FSTL4: variants seen among roughly 807,000 people sequenced by gnomAD.
The protein encoded by FSTL4 is follistatin like 4.
Under a neutral mutation model 78.2 loss-of-function variants are expected in FSTL4, and 28 were observed. That is an observed-to-expected ratio of 0.36 (90% CI 0.27 to 0.49). The LOEUF (loss-of-function observed/expected upper bound fraction) is 0.49. Among genes scored for constraint, FSTL4 ranks in the 20% least tolerant of loss-of-function variants. The pLI, the probability that FSTL4 is intolerant of heterozygous loss-of-function variation, is 0.98. For synonymous variants in FSTL4, 422 were observed against 440.5 expected (o/e 0.96, Z 0.53); for missense variants, 922 against 1,084.9 (o/e 0.85, Z 2.11).
chr5:133,728,502 G>A, the FSTL4 span, among the ~76,000 whole-genome samples: 3 of 152,174 alleles, frequency 2.0e-5, no homozygotes, highest in Admixed American at 2.0e-4. Context: ...ACTGGAAGCT[G>A]GACTTCATGC....
chr5:133,751,816 C>T, the FSTL4 span, among the ~76,000 whole-genome samples: 1 of 152,312 alleles, frequency 6.6e-6, no homozygotes, highest in Non-Finnish European at 1.5e-5. Context: ...AGCTGTCTGC[C>T]AGAGGGGCAC....
the FSTL4 span, among the ~76,000 whole-genome samples, chr5:133,661,381 A>G: frequency 6.6e-6 from 1 of 152,238 alleles, no homozygotes; most frequent in Non-Finnish European, 1.5e-5. Context: ...GTAAAGATAT[A>G]GTAAGAGCTT....
the FSTL4 span, among the ~76,000 whole-genome samples, chr5:133,628,365 TC>T: frequency 9.2e-3 from 1,278 of 138,678 alleles, 20 homozygotes; most frequent in African/African-American, 0.034. Context: ...TCTTTTCTTT[TC>T]TTTTTTTTTT....
At chr5:133,305,602 T>A (rs1188377417) in intron 6 of FSTL4, among the ~76,000 whole-genome samples, 1 of 152,114 alleles carries the variant, frequency 6.6e-6, no homozygotes, top group Admixed American at 6.5e-5. Context: ...TCTTTCTGCC[T>A]CTCTACCCGC....
At chr5:133,412,096 T>C (rs1192541749) in intron 3 of FSTL4, among the ~76,000 whole-genome samples, 1 of 152,166 alleles carries the variant, frequency 6.6e-6, no homozygotes, top group Non-Finnish European at 1.5e-5. Flanking sequence ...TAGGAAGACA[T>C]TCTCATAAAT....
intron 4 of FSTL4, among the ~76,000 whole-genome samples, chr5:133,346,725 T>G (rs2126922665): frequency 6.6e-6 from 1 of 152,332 alleles, no homozygotes; most frequent in South Asian, 2.1e-4. Context: ...TTCCTGCTCT[T>G]AAGTTTCTTT....
At chr5:133,479,895 G>C (rs1161618421) in intron 3 of FSTL4, among the ~76,000 whole-genome samples, 1 of 149,142 alleles carries the variant, frequency 6.7e-6, no homozygotes, top group Non-Finnish European at 1.5e-5. Flanking sequence ...AATGCCATGA[G>C]TTTTTGAGTT....
At chr5:133,314,362 C>T (rs1341561826) in intron 5 of FSTL4, among the ~76,000 whole-genome samples, 1 of 152,206 alleles carries the variant, frequency 6.6e-6, no homozygotes, top group African/African-American at 2.4e-5. Context: ...GGCAGCAAGC[C>T]TCCTGGGATG....
the FSTL4 span, among the ~76,000 whole-genome samples, chr5:133,753,370 T>G: frequency 1.3e-5 from 2 of 152,204 alleles, no homozygotes; most frequent in African/African-American, 4.8e-5. Context: ...TTCTACTCAG[T>G]GACTTAACAG....
At chr5:133,506,906 T>C (rs1758622064) in intron 3 of FSTL4, among the ~76,000 whole-genome samples, 1 of 152,228 alleles carries the variant, frequency 6.6e-6, no homozygotes, top group Non-Finnish European at 1.5e-5. Flanking sequence ...TAAATTAGAC[T>C]GGGCCTTTAA....
chr5:133,830,009 C>T, the FSTL4 span, among the ~76,000 whole-genome samples: 5 of 152,146 alleles, frequency 3.3e-5, no homozygotes, highest in African/African-American at 9.7e-5. Flanking sequence ...CCAAGGTTGG[C>T]CTGGATGAGG....
chr5:133,200,879 G>C (rs149135642), intron 15 of FSTL4, among the ~76,000 whole-genome samples: 125 of 152,306 alleles, frequency 8.2e-4, no homozygotes, highest in African/African-American at 2.8e-3. Flanking sequence ...TAGCAAGAAA[G>C]AAAACTCTGC....
chr5:133,280,336 G>A (rs1752982361), intron 6 of FSTL4, among the ~76,000 whole-genome samples: 1 of 152,288 alleles, frequency 6.6e-6, no homozygotes, highest in Admixed American at 6.5e-5. Flanking sequence ...ACCTTGAAAT[G>A]GCAGGTTGCA....
the FSTL4 span, among the ~76,000 whole-genome samples, chr5:133,710,141 G>A: frequency 2.6e-4 from 40 of 152,246 alleles, no homozygotes; most frequent in East Asian, 2.5e-3. Flanking sequence ...TCTCTGCCCT[G>A]GACATGAGCC....
chr5:133,548,347 G>A (rs537518458), intron 3 of FSTL4, among the ~76,000 whole-genome samples: 2 of 152,144 alleles, frequency 1.3e-5, no homozygotes, highest in African/African-American at 2.4e-5. Context: ...AGAGGACTGA[G>A]TCCTTAACTT....
intron 3 of FSTL4, among the ~76,000 whole-genome samples, chr5:133,563,505 GGTTACTCAAGGGAAA>G (rs752770666): frequency 2.2e-4 from 33 of 152,342 alleles, no homozygotes; most frequent in Non-Finnish European, 3.5e-4. Flanking sequence ...CTGTGTCACA[GGTTACTCAAGGGAAA>G]GGGAGGTAAA....
At chr5:133,821,156 T>G in the FSTL4 span, among the ~76,000 whole-genome samples, 1 of 152,218 alleles carries the variant, frequency 6.6e-6, no homozygotes, top group Non-Finnish European at 1.5e-5. Context: ...AAATACTGAT[T>G]AAAGGAAGAA....
At chr5:133,473,407 T>TGGTC (rs1019024657) in intron 3 of FSTL4, among the ~76,000 whole-genome samples, 1 of 152,104 alleles carries the variant, frequency 6.6e-6, no homozygotes, top group Admixed American at 6.5e-5. Context: ...GTCCCTCCCA[T>TGGTC]GGTCTGAGAT....
intron 6 of FSTL4, among the ~76,000 whole-genome samples, chr5:133,311,833 G>A (rs1043357605): frequency 6.6e-6 from 1 of 152,182 alleles, no homozygotes; most frequent in Non-Finnish European, 1.5e-5. Flanking sequence ...TTTAAGCAGA[G>A]CTTGAACATC....
Sources: allele counts gnomAD v4.1 joint callset (sites outside exome capture counted in the v4.1 genomes callset), GRCh38; gene constraint gnomAD v4.1.1; transcripts MANE v1.5; gene names NCBI Gene and HGNC (gene_info 2026-07-23, HGNC 2026-07-21).